CLIP4: variants seen among roughly 807,000 people sequenced by gnomAD.
CLIP4 encodes the protein CAP-Gly domain-containing linker protein 4.
A neutral mutation model predicts 73.1 loss-of-function variants in CLIP4; 47 were observed. The observed-to-expected ratio is 0.64, with a 90% CI of 0.51 to 0.82. The LOEUF (loss-of-function observed/expected upper bound fraction) is 0.82, where lower values mean the gene tolerates loss of function less well. CLIP4 is among the 40% of genes least tolerant of loss of function. The pLI is 0.00. For synonymous variants in CLIP4, 306 were observed against 295.4 expected, an observed-to-expected ratio of 1.04 and a Z score of -0.37; for missense variants, 874 against 852.9, an observed-to-expected ratio of 1.02 and a Z score of -0.31.
chr2:29,109,503 G>A (rs925771358), intron 1 of CLIP4, among the ~76,000 whole-genome samples: 1 of 152,060 alleles, frequency 6.6e-6, no homozygotes, highest in Non-Finnish European at 1.5e-5. Context: ...TTGTTTCTTT[G>A]TGTTGAGAAC....
At chr2:29,128,855 A>T (rs1664785393) in intron 2 of CLIP4, among the ~76,000 whole-genome samples, 4 of 152,108 alleles carry the variant, frequency 2.6e-5, no homozygotes, top group African/African-American at 9.7e-5. Context: ...TAGATTGAGA[A>T]ATCTATGTAA....
intron 4 of CLIP4, 113 bp from the exon 5 acceptor site, chr2:29,133,540 AGT>A: frequency 1.2e-6 from 1 of 808,880 alleles, no homozygotes; most frequent in South Asian, 2.6e-5. Flanking sequence ...AAATTTTTGA[AGT>A]GTGTCTATAC....
At chr2:29,117,591 C>T (rs1372068225) in intron 1 of CLIP4, among the ~76,000 whole-genome samples, 1 of 152,194 alleles carries the variant, frequency 6.6e-6, no homozygotes, top group Non-Finnish European at 1.5e-5. Context: ...CTCGGCCTCC[C>T]GAAGTGTTGG....
intron 1 of CLIP4, among the ~76,000 whole-genome samples, chr2:29,101,285 TTC>T (rs1491410746): frequency 3.0e-3 from 434 of 143,722 alleles, no homozygotes; most frequent in African/African-American, 0.011. Context: ...CTTTTTTTTT[TTC>T]CCCCCCCCAA....
intron 2 of CLIP4, among the ~76,000 whole-genome samples, chr2:29,129,238 A>G (rs2148481524): frequency 6.6e-6 from 1 of 152,278 alleles, no homozygotes; most frequent in Non-Finnish European, 1.5e-5. Flanking sequence ...CGTCTGCCTT[A>G]TGTCTAATGC....
chr2:29,117,943 AT>A (rs1467937793), intron 1 of CLIP4, among the ~76,000 whole-genome samples: 1 of 152,228 alleles, frequency 6.6e-6, no homozygotes, highest in East Asian at 1.9e-4. Context: ...AGGTATTTCA[AT>A]TTTTAATTCT....
At chr2:29,139,387 T>A (rs938895860) in intron 6 of CLIP4, among the ~76,000 whole-genome samples, 1 of 152,226 alleles carries the variant, frequency 6.6e-6, no homozygotes, top group Non-Finnish European at 1.5e-5. Context: ...TTTGGTTTGC[T>A]AGTAACTTGA....
chr2:29,166,843 T>C (rs17007586), intron 13 of CLIP4, among the ~76,000 whole-genome samples: 5,394 of 152,278 alleles, frequency 0.035, 300 homozygotes, highest in African/African-American at 0.12. Flanking sequence ...TAATAAGATA[T>C]GCTGGAGGAA....
At chr2:29,097,728 A>C (rs1456046268) in exon 1 of CLIP4, 1 of 152,270 alleles carries the variant, frequency 6.6e-6, no homozygotes, top group Non-Finnish European at 1.5e-5. Context: ...GGTGCTCTCA[A>C]AGGAGGACTC....
intron 1 of CLIP4, among the ~76,000 whole-genome samples, chr2:29,102,418 T>C (rs1438821712): frequency 6.6e-6 from 1 of 152,058 alleles, no homozygotes; most frequent in African/African-American, 2.4e-5. Context: ...CCGCCCCTTC[T>C]CTGTTGTTTC....
At chr2:29,107,698 T>G (rs1394226202) in intron 1 of CLIP4, among the ~76,000 whole-genome samples, 1 of 151,982 alleles carries the variant, frequency 6.6e-6, no homozygotes, top group Non-Finnish European at 1.5e-5. Context: ...TTTTTAGAGA[T>G]GGGGTCTCAC....
At chr2:29,132,508 A>C (rs1231808709) in intron 4 of CLIP4, 1 of 402,678 alleles carries the variant, frequency 2.5e-6, no homozygotes, top group Non-Finnish European at 4.4e-6. Flanking sequence ...AACTAGTAAC[A>C]CCCTAAAATC....
intron 14 of CLIP4, among the ~76,000 whole-genome samples, chr2:29,168,473 T>G (rs1667771491): frequency 6.6e-6 from 1 of 151,270 alleles, no homozygotes; most frequent in Admixed American, 6.6e-5. Flanking sequence ...GCTCCTTAAT[T>G]TTTTGTAGTC....
intron 1 of CLIP4, among the ~76,000 whole-genome samples, chr2:29,110,387 G>A (rs753048330): frequency 2.0e-5 from 3 of 152,230 alleles, no homozygotes; most frequent in Non-Finnish European, 4.4e-5. Context: ...TCTATGGTAT[G>A]TGAATTTACT....
At position 29,160,383 on chromosome 2, in the gene CLIP4, G is replaced by A; in HGVS notation, c.1450G>A (p.Glu484Lys). 7 of 1,614,146 alleles carry A rather than the reference G, an allele frequency of 4.3e-6. No individual in the cohort carries two copies. The highest frequency in any genetic ancestry group is 5.1e-6 in the Non-Finnish European group (6 of 1,180,016). ...AGCAAATAATAGCCGTTGCGAGGGG[G>A]AACTCCGCCTCGGAGAGAGAGTGTT... ...STANNSRCEG[E>K]LRLGERVLVV... The change falls in exon 12 of 16, where the codon GAA becomes AAA. Residue 484 changes from glutamate (E) to lysine (K), a missense_variant. Coordinates refer to ENST00000320081, the MANE Select transcript of CLIP4 (RefSeq NM_024692.6).
At position 29,132,183 on chromosome 2, in the gene CLIP4, G is replaced by T; in HGVS notation, c.305G>T (p.Arg102Ile). Residue 102 changes from arginine to isoleucine, a missense_variant, in exon 4 of 16, where the codon AGA becomes ATA. By Grantham distance (97) the Arg-to-Ile change is moderately conservative. Transcript: ENST00000320081. Reference protein sequence around the residue: ...ILKRGCNVNDRDGLTDMTLLH... With the variant: ...ILKRGCNVNDIDGLTDMTLLH... ...AAGAGAGGTTGCAATGTGAATGATA[G>T]AGATGGATTGACAGATATGACTCTT... is the stretch of plus-strand genomic sequence containing the variant. 6.2e-7 allele frequency: 1 copy of T among 1,613,850 alleles called. No individual in the cohort carries two copies.
chr2:29,135,979 A>G (rs1365049427), intron 6 of CLIP4, among the ~76,000 whole-genome samples: 1 of 152,182 alleles, frequency 6.6e-6, no homozygotes, highest in Non-Finnish European at 1.5e-5. Flanking sequence ...GTAGCAATAC[A>G]TATATTACAG....
chr2:29,145,153 G>A, intron 7 of CLIP4, 79 bp from the exon 8 acceptor site: 3 of 1,256,250 alleles, frequency 2.4e-6, no homozygotes, highest in Non-Finnish European at 3.3e-6. Context: ...AACTCCCATG[G>A]TGAAGTAAAG....
intron 15 of CLIP4, 84 bp downstream of exon 15, chr2:29,174,529 T>C: frequency 1.3e-6 from 2 of 1,537,870 alleles, no homozygotes; most frequent in Non-Finnish European, 8.7e-7. Context: ...GAGTGCTGTA[T>C]CTTTTGCATT....
Sources: allele counts gnomAD v4.1 joint callset (sites outside exome capture counted in the v4.1 genomes callset), GRCh38; gene constraint gnomAD v4.1.1; transcripts MANE v1.5; gene names NCBI Gene and HGNC (gene_info 2026-07-23, HGNC 2026-07-21).